The following LRCH1 variants were observed in gnomAD, a reference collection of about 807,000 sequenced individuals.
LRCH1 encodes the protein leucine-rich repeat and calponin homology domain-containing protein 1.
In LRCH1, 23 loss-of-function variants were observed where a neutral mutation model predicts 94.9. The observed-to-expected ratio is 0.24, with a 90% CI of 0.17 to 0.34. The LOEUF is 0.34. LRCH1 is among the 10% of genes least tolerant of loss of function. The pLI is 1.00. For missense variants in LRCH1, 790 were observed against 945.9 expected, an observed-to-expected ratio of 0.84 and a Z score of 2.16; for synonymous variants, 364 against 354.9, an observed-to-expected ratio of 1.03 and a Z score of -0.29.
At chr13:46,565,453 C>G (rs1222637720) in intron 1 of LRCH1, among the ~76,000 whole-genome samples, 1 of 152,094 alleles carries the variant, frequency 6.6e-6, no homozygotes, top group Non-Finnish European at 1.5e-5. Context: ...TGAGACAAGA[C>G]CACATCTTCT....
At chr13:46,576,586 C>T (rs1054238849) in intron 1 of LRCH1, among the ~76,000 whole-genome samples, 7 of 152,172 alleles carry the variant, frequency 4.6e-5, no homozygotes, top group Admixed American at 2.0e-4. Flanking sequence ...TGGTGTCCTT[C>T]GGAATATTGG....
At chr13:46,582,490 T>G (rs549943900) in intron 1 of LRCH1, among the ~76,000 whole-genome samples, 35 of 16,486 alleles carry the variant, frequency 2.1e-3, no homozygotes, top group Non-Finnish European at 2.4e-3. Context: ...GAACATATTG[T>G]TTTTTTTTTT....
intron 3 of LRCH1, among the ~76,000 whole-genome samples, chr13:46,680,425 A>T (rs1015601341): frequency 1.3e-5 from 2 of 152,174 alleles, no homozygotes; most frequent in Non-Finnish European, 2.9e-5. Context: ...GTGACATGCT[A>T]TCTAAAGGAC....
At chr13:46,711,247 A>T (rs1283262344) in intron 13 of LRCH1, among the ~76,000 whole-genome samples, 1 of 152,194 alleles carries the variant, frequency 6.6e-6, no homozygotes, top group Non-Finnish European at 1.5e-5. Flanking sequence ...ACTTTTCTCC[A>T]TGACCAGTTA....
intron 1 of LRCH1, among the ~76,000 whole-genome samples, chr13:46,627,392 T>A (rs1228723452): frequency 6.6e-6 from 1 of 152,220 alleles, no homozygotes; most frequent in Non-Finnish European, 1.5e-5. Context: ...TTTCTAACCC[T>A]TTGGCTTAGA....
intron 7 of LRCH1, 64 bp from the exon 8 acceptor site, chr13:46,692,472 G>T: frequency 8.9e-7 from 1 of 1,118,292 alleles, no homozygotes. Flanking sequence ...TTATTACATA[G>T]CATTCTCCTT....
chr13:46,696,029 C>A (rs1400157219), intron 9 of LRCH1, among the ~76,000 whole-genome samples: 3 of 152,168 alleles, frequency 2.0e-5, no homozygotes, highest in Non-Finnish European at 2.9e-5. Flanking sequence ...ATCCATACAT[C>A]CTTGTTTTAA....
intron 11 of LRCH1, 33 bp from the exon 12 acceptor site, chr13:46,705,035 C>A: frequency 8.7e-7 from 1 of 1,150,118 alleles, no homozygotes; most frequent in African/African-American, 1.6e-5. Context: ...AAGTTTAATA[C>A]GTTTACTAAT....
rs144465877 is a variant in LRCH1 at position 46,690,108 on chromosome 13, A to G, written c.1014+912A>G. On this transcript the variant is annotated intron_variant, in intron 7 of 19. Coordinates refer to ENST00000389797, the MANE Select transcript of LRCH1 (RefSeq NM_001164211.2). ...TCTCCAATTCTCCTCAAGTCGTTGAATTTTAATAGGTAGCTAAGGTATTTG... is the reference window on the plus strand; with the variant it reads ...TCTCCAATTCTCCTCAAGTCGTTGAGTTTTAATAGGTAGCTAAGGTATTTG... Among the ~76,000 whole-genome samples, 43 of 152,298 alleles carry G rather than the reference A, an allele frequency of 2.8e-4. 1 individual carries two copies. The highest frequency in any genetic ancestry group is 9.6e-4 in the African/African-American group (40 of 41,570).
At chr13:46,707,158 C>T (rs1871806122) in intron 13 of LRCH1, among the ~76,000 whole-genome samples, 1 of 152,158 alleles carries the variant, frequency 6.6e-6, no homozygotes, top group African/African-American at 2.4e-5. Context: ...GCAGATACTG[C>T]ATTTGATTGT....
At chr13:46,704,553 T>C (rs1871653007) in intron 11 of LRCH1, among the ~76,000 whole-genome samples, 1 of 152,090 alleles carries the variant, frequency 6.6e-6, no homozygotes, top group Non-Finnish European at 1.5e-5. Context: ...TTTATAGGTC[T>C]TTAAGAACAA....
chr13:46,676,496 C>T (rs962298652), intron 3 of LRCH1, among the ~76,000 whole-genome samples: 27 of 152,022 alleles, frequency 1.8e-4, no homozygotes, highest in African/African-American at 6.5e-4. Context: ...CCTAAAGTTA[C>T]ACAGTGAGTC....
intron 1 of LRCH1, among the ~76,000 whole-genome samples, chr13:46,648,348 C>T (rs1032633161): frequency 1.3e-5 from 2 of 152,182 alleles, no homozygotes; most frequent in African/African-American, 4.8e-5. Flanking sequence ...TGACACTCAC[C>T]TCCTGCTGTG....
At chr13:46,693,898 G>T (rs115304022) in intron 8 of LRCH1, among the ~76,000 whole-genome samples, 358 of 150,178 alleles carry the variant, frequency 2.4e-3, no homozygotes, top group African/African-American at 8.3e-3. Context: ...TAAATAGTTG[G>T]AATTTGCTCT....
At chr13:46,685,582 C>T (rs1051562490) in intron 4 of LRCH1, among the ~76,000 whole-genome samples, 2 of 151,898 alleles carry the variant, frequency 1.3e-5, no homozygotes, top group African/African-American at 2.4e-5. Context: ...ATAAACATGT[C>T]CTGTGTGATG....
intron 11 of LRCH1, among the ~76,000 whole-genome samples, chr13:46,704,632 A>G (rs1871656963): frequency 6.6e-6 from 1 of 152,142 alleles, no homozygotes; most frequent in African/African-American, 2.4e-5. Context: ...GTAAAAATGC[A>G]TATCAAATTG....
intron 2 of LRCH1, among the ~76,000 whole-genome samples, chr13:46,668,433 A>G (rs2051550349): frequency 6.6e-6 from 1 of 152,228 alleles, no homozygotes; most frequent in African/African-American, 2.4e-5. Flanking sequence ...TCTTGCAGAT[A>G]CCAAAACAGA....
At chr13:46,616,245 C>T (rs1237926872) in intron 1 of LRCH1, among the ~76,000 whole-genome samples, 1 of 152,150 alleles carries the variant, frequency 6.6e-6, no homozygotes, top group Non-Finnish European at 1.5e-5. Context: ...AGGCACAAGA[C>T]CAACTTCTAA....
chr13:46,742,720 G>C lies in LRCH1; in HGVS notation c.*872G>C. 2 of 985,360 alleles carry C rather than the reference G, an allele frequency of 2.0e-6. No homozygotes were observed. Among genetic ancestry groups the C allele is most frequent in the Non-Finnish European group, 2.4e-6 (2 of 829,920 alleles). 61.0% of individuals were successfully genotyped at this position (985,360 alleles called of 1,614,324 possible). On this transcript the variant is annotated 3_prime_UTR_variant, in exon 20 of 20. Coordinates refer to ENST00000389797, the MANE Select transcript of LRCH1 (RefSeq NM_001164211.2). Reference sequence around the variant, plus strand: ...TTTGCCACATCACATAGTAACTGCCGGTCCAGAATGTGACGGATTCGACTC... The same window carrying C: ...TTTGCCACATCACATAGTAACTGCCCGTCCAGAATGTGACGGATTCGACTC...
Sources: gnomAD v4.1 joint callset for allele counts (sites outside exome capture counted in the v4.1 genomes callset) on GRCh38, gnomAD v4.1.1 for gene constraint, MANE v1.5 for transcripts, NCBI Gene and HGNC (gene_info 2026-07-23, HGNC 2026-07-21) for gene names.